FHIT: variants seen among roughly 807,000 people sequenced by gnomAD.
FHIT encodes the protein fragile histidine triad diadenosine triphosphatase.
A neutral mutation model predicts 17.9 loss-of-function variants in FHIT; 19 were observed. The ratio of observed to expected loss-of-function variants is 1.06; its 90% CI spans 0.74 to 1.56. The LOEUF is 1.56. FHIT is among the 40% of genes most tolerant of loss of function. The probability of loss-of-function intolerance (pLI) is 0.00; values close to 1 mark genes in which losing one functional copy is unlikely to be tolerated. For missense variants in FHIT, 248 were observed against 189.2 expected (o/e 1.31, Z -1.82); for synonymous variants, 81 against 69.7 (o/e 1.16, Z -0.81).
intron 4 of FHIT, among the ~76,000 whole-genome samples, chr3:60,595,747 T>C (rs1553666178): frequency 6.6e-6 from 1 of 151,790 alleles, no homozygotes; most frequent in African/African-American, 2.4e-5. Flanking sequence ...GGGCTCAAGT[T>C]ATTCTCCTAC....
At chr3:60,450,709 C>T (rs4679541) in intron 5 of FHIT, among the ~76,000 whole-genome samples, 26,165 of 151,998 alleles carry the variant, frequency 0.17, 2,454 homozygotes, top group Admixed American at 0.28. Flanking sequence ...CAGACAATGC[C>T]TCACTTATTA....
At chr3:61,062,897 G>T (rs555176762) in intron 2 of FHIT, among the ~76,000 whole-genome samples, 1 of 152,304 alleles carries the variant, frequency 6.6e-6, no homozygotes, top group East Asian at 1.9e-4. Context: ...GCTCACTGAA[G>T]ATGCTGTGCT....
At chr3:60,362,502 G>T (rs187621584) in intron 5 of FHIT, among the ~76,000 whole-genome samples, 82 of 152,266 alleles carry the variant, frequency 5.4e-4, no homozygotes, top group Non-Finnish European at 9.6e-4. Flanking sequence ...CACTAGGTAT[G>T]AGCTGTGTGC....
chr3:60,037,034 A>C (rs563313751), intron 5 of FHIT, among the ~76,000 whole-genome samples: 1 of 152,328 alleles, frequency 6.6e-6, no homozygotes, highest in East Asian at 1.9e-4. Flanking sequence ...GTGTGTGCTA[A>C]ATCTTGGACA....
chr3:60,861,206 T>TC lies in FHIT; in HGVS notation c.-110-39196_-110-39195insG, dbSNP rs1349333847. Among the ~76,000 whole-genome samples the TC allele has an allele frequency of 8.8e-4, 32 of 36,192 alleles. 5 individuals carry two copies. Among genetic ancestry groups the TC allele is most frequent in the Non-Finnish European group, 1.9e-3 (31 of 16,138 alleles). 23.7% of individuals were successfully genotyped at this position (36,192 alleles called of 152,430 possible). ...TATATGATATATATCATATATGATA[T>TC]ATATGATATATATGATATATATGAT... On this transcript the variant is annotated intron_variant, in intron 3 of 9. Transcript: ENST00000492590.
chr3:60,968,916 C>T (rs908066555), intron 3 of FHIT, among the ~76,000 whole-genome samples: 1 of 152,044 alleles, frequency 6.6e-6, no homozygotes, highest in East Asian at 1.9e-4. Flanking sequence ...CTGGAACAAA[C>T]CCAACTTGAT....
chr3:60,152,387 G>A (rs1463664516), intron 5 of FHIT, among the ~76,000 whole-genome samples: 19 of 152,168 alleles, frequency 1.2e-4, no homozygotes, highest in Non-Finnish European at 2.9e-5. Flanking sequence ...CTAATGTGAT[G>A]CACTAACCAG....
rs74683581 is a variant in FHIT, at chr3:60,356,263, A to G, written c.103+180597T>C. On this transcript the variant is annotated intron_variant, in intron 5 of 9. Coordinates refer to ENST00000492590, the MANE Select transcript of FHIT (RefSeq NM_002012.4). ...GCCTTCTGAAACAGTTTCCCATGCC[A>G]TACTAAGCACATCCTCCATTGTAGA... 1.4e-3 allele frequency among the ~76,000 whole-genome samples: 209 copies of G among 152,334 alleles called. 1 individual carries two copies. Among genetic ancestry groups the G allele is most frequent in the African/African-American group, 4.8e-3 (199 of 41,576 alleles).
At chr3:60,652,581 TAGTC>T (rs782037605) in intron 4 of FHIT, among the ~76,000 whole-genome samples, 6 of 151,806 alleles carry the variant, frequency 4.0e-5, no homozygotes, top group Non-Finnish European at 8.8e-5. Context: ...AAAATACAAT[TAGTC>T]AGGTGTGGTG....
chr3:60,239,623 A>C (rs958502772), intron 5 of FHIT, among the ~76,000 whole-genome samples: 2 of 152,136 alleles, frequency 1.3e-5, no homozygotes, highest in African/African-American at 4.8e-5. Context: ...GAGGCTTTAG[A>C]GTTCCTAGGA....
chr3:60,809,335 C>G (rs1701498670), intron 4 of FHIT, among the ~76,000 whole-genome samples: 1 of 152,024 alleles, frequency 6.6e-6, no homozygotes, highest in Non-Finnish European at 1.5e-5. Context: ...TTCCTGGTAC[C>G]TAAAGATTAA....
At chr3:60,631,503 A>G (rs1353144469) in intron 4 of FHIT, among the ~76,000 whole-genome samples, 3 of 152,326 alleles carry the variant, frequency 2.0e-5, no homozygotes, top group East Asian at 1.9e-4. Flanking sequence ...CTATCCATTC[A>G]TTAATCTGTC....
chr3:59,901,065 T>G (rs942453548), intron 8 of FHIT, among the ~76,000 whole-genome samples: 2 of 152,232 alleles, frequency 1.3e-5, no homozygotes, highest in African/African-American at 4.8e-5. Flanking sequence ...ATTGTCTTTA[T>G]GCTTTTGTTT....
At chr3:60,720,756 C>T (rs2041791927) in intron 4 of FHIT, among the ~76,000 whole-genome samples, 1 of 152,092 alleles carries the variant, frequency 6.6e-6, no homozygotes, top group Admixed American at 6.5e-5. Context: ...TCCCAGCCTT[C>T]CAGAGAATAG....
At chr3:60,210,291 C>T (rs1703389277) in intron 5 of FHIT, among the ~76,000 whole-genome samples, 1 of 151,898 alleles carries the variant, frequency 6.6e-6, no homozygotes. Context: ...AGACTTTAAA[C>T]CAGGATAAAT....
At chr3:60,067,322 T>TTGAATGAA (rs4024132) in intron 5 of FHIT, among the ~76,000 whole-genome samples, 9 of 151,378 alleles carry the variant, frequency 5.9e-5, no homozygotes, top group South Asian at 2.1e-4. Flanking sequence ...CAAATATGTA[T>TTGAATGAA]TGAATGAATG....
At chr3:61,233,844 T>C (rs2040165071) in intron 1 of FHIT, among the ~76,000 whole-genome samples, 2 of 152,174 alleles carry the variant, frequency 1.3e-5, no homozygotes, top group South Asian at 4.1e-4. Context: ...TCTGTGGCCA[T>C]TATGGAAAGG....
intron 8 of FHIT, among the ~76,000 whole-genome samples, chr3:59,876,608 G>A (rs1703174216): frequency 6.6e-6 from 1 of 152,190 alleles, no homozygotes; most frequent in African/African-American, 2.4e-5. Context: ...TGGGAGATAA[G>A]CCCCTGCTAC....
chr3:60,922,894 T>A (rs1553768758), intron 3 of FHIT, among the ~76,000 whole-genome samples: 1 of 152,218 alleles, frequency 6.6e-6, no homozygotes, highest in Non-Finnish European at 1.5e-5. Context: ...ACATGTACAA[T>A]TAGAGATGCC....
Sources: gnomAD v4.1 joint callset for allele counts (sites outside exome capture counted in the v4.1 genomes callset) on GRCh38, gnomAD v4.1.1 for gene constraint, MANE v1.5 for transcripts, NCBI Gene and HGNC (gene_info 2026-07-23, HGNC 2026-07-21) for gene names.